The following PDE4D variants were observed in gnomAD, a reference collection of about 807,000 sequenced individuals.
PDE4D encodes the protein phosphodiesterase 4D, also known as 3',5'-cyclic-AMP phosphodiesterase 4D.
Under a neutral mutation model 87.4 loss-of-function variants are expected in PDE4D, and 24 were observed. The ratio of observed to expected loss-of-function variants is 0.27; its 90% CI spans 0.20 to 0.39. PDE4D has a LOEUF of 0.39. Ranked by LOEUF, PDE4D falls within the 10% of genes least tolerant of loss-of-function variation. The probability of loss-of-function intolerance (pLI) is 1.00; values close to 1 mark genes in which losing one functional copy is unlikely to be tolerated. For synonymous variants in PDE4D, 384 were observed against 383.2 expected (o/e 1.00, Z -0.02); for missense variants, 714 against 1,041.0 (o/e 0.69, Z 4.32).
At chr5:60,060,558 A>C (rs1342010501) in intron 2 of PDE4D, among the ~76,000 whole-genome samples, 2 of 152,088 alleles carry the variant, frequency 1.3e-5, no homozygotes, top group African/African-American at 4.8e-5. Flanking sequence ...AGATTTACAT[A>C]GCATGCTTGC....
chr5:59,609,921 T>C (rs555303992), intron 1 of PDE4D, among the ~76,000 whole-genome samples: 1 of 152,088 alleles, frequency 6.6e-6, no homozygotes, highest in Non-Finnish European at 1.5e-5. Context: ...GAAAGAACTT[T>C]TTTCACTAGA....
chr5:60,024,568 C>A (rs1226393350), intron 2 of PDE4D, among the ~76,000 whole-genome samples: 3 of 152,102 alleles, frequency 2.0e-5, no homozygotes, highest in African/African-American at 7.2e-5. Context: ...AACCTTGAAG[C>A]ATGGGGTACA....
intron 1 of PDE4D, among the ~76,000 whole-genome samples, chr5:59,809,768 C>T (rs547885483): frequency 6.6e-6 from 1 of 152,248 alleles, no homozygotes; most frequent in Admixed American, 6.5e-5. Flanking sequence ...TCAATTCCAT[C>T]AAGCAGTCTT....
At chr5:59,407,098 T>C (rs994716618) in intron 1 of PDE4D, among the ~76,000 whole-genome samples, 1 of 152,212 alleles carries the variant, frequency 6.6e-6, no homozygotes, top group Non-Finnish European at 1.5e-5. Context: ...AATTCTCATG[T>C]TGAGATGTAA....
At chr5:60,434,753 C>A (rs752722455) in intron 1 of PDE4D, among the ~76,000 whole-genome samples, 7 of 152,020 alleles carry the variant, frequency 4.6e-5, no homozygotes, top group Non-Finnish European at 7.4e-5. Context: ...TTTCAATGCA[C>A]CAACAATGAT....
chr5:60,287,100 T>C (rs1752490346), intron 1 of PDE4D, among the ~76,000 whole-genome samples: 1 of 152,166 alleles, frequency 6.6e-6, no homozygotes, highest in Admixed American at 6.5e-5. Context: ...CAAAATTTAA[T>C]TATATTCCGA....
chr5:58,975,509 G>T lies in PDE4D; in HGVS notation c.2013+148C>A. ...TAAGTCATAAGAATGAAAGTTCTTT[G>T]GATCATAAATACTAAGGTGAAATTG... is the stretch of plus-strand genomic sequence containing the variant. On this transcript the variant is annotated intron_variant, in intron 14 of 14. Coordinates refer to ENST00000340635, the MANE Select transcript of PDE4D (RefSeq NM_001104631.2). This position sits in a 1 kb window ranked among gnomAD's most constrained non-coding sequence, Gnocchi z 4.2. 1 of 532,888 alleles carries T rather than the reference G, an allele frequency of 1.9e-6. No homozygotes were observed. Among genetic ancestry groups the T allele is most frequent in the Non-Finnish European group, 3.1e-6 (1 of 320,254 alleles). The allele number at this position is 532,888 out of a possible 1,614,324, so 33.0% of individuals were successfully genotyped here. A position where few individuals can be genotyped will look rare whatever the true frequency, so the allele number is the denominator to read the frequency against.
In PDE4D at chr5:59,413,457, CAAAAAAAAAAAAAA is replaced by C. The variant is rs34074485; in HGVS notation, c.456-197503_456-197490del. 1.1e-3 allele frequency among the ~76,000 whole-genome samples: 59 copies of C among 54,428 alleles called. No homozygotes were observed. In the East Asian group the frequency reaches 0.032, roughly 29 times the overall value. 35.7% of individuals were successfully genotyped at this position (54,428 alleles called of 152,430 possible). ...TGGGTGACTGAGTGAGACTCCATCT[CAAAAAAAAAAAAAA>C]AAAAAAAAAAGAAATGCCATGGTTG... On this transcript the variant is annotated intron_variant, in intron 1 of 14. Transcript: ENST00000340635.
At chr5:59,136,254 G>A (rs1325747367) in intron 5 of PDE4D, among the ~76,000 whole-genome samples, 1 of 152,150 alleles carries the variant, frequency 6.6e-6, no homozygotes, top group African/African-American at 2.4e-5. Context: ...TATGTTTTTT[G>A]TGAATCTCAG....
At chr5:59,501,664 A>G (rs550694720) in intron 1 of PDE4D, among the ~76,000 whole-genome samples, 3 of 152,294 alleles carry the variant, frequency 2.0e-5, no homozygotes, top group South Asian at 4.1e-4. Flanking sequence ...AAACTAGTGT[A>G]GTCAATTGAT....
chr5:59,517,269 G>C (rs2153671353), intron 1 of PDE4D, among the ~76,000 whole-genome samples: 1 of 152,238 alleles, frequency 6.6e-6, no homozygotes, highest in South Asian at 2.1e-4. Flanking sequence ...CTTTAACCTT[G>C]CATAAAATGC....
intron 1 of PDE4D, among the ~76,000 whole-genome samples, chr5:60,363,033 T>C (rs1341739421): frequency 1.3e-5 from 2 of 152,166 alleles, no homozygotes; most frequent in Non-Finnish European, 2.9e-5. Context: ...GCTTATCACC[T>C]TGAATGCATG....
At chr5:59,654,227 G>A (rs773084166) in intron 1 of PDE4D, among the ~76,000 whole-genome samples, 1 of 152,120 alleles carries the variant, frequency 6.6e-6, no homozygotes, top group Non-Finnish European at 1.5e-5. Context: ...AAAATGGGAA[G>A]AGGAAAGGGA....
chr5:59,747,391 C>G (rs1411855704), intron 1 of PDE4D, among the ~76,000 whole-genome samples: 3 of 152,198 alleles, frequency 2.0e-5, no homozygotes, highest in Non-Finnish European at 4.4e-5. Context: ...TATCTCATCT[C>G]TGTTAAACCA....
intron 1 of PDE4D, among the ~76,000 whole-genome samples, chr5:59,298,582 T>A (rs1392408610): frequency 6.6e-6 from 1 of 152,220 alleles, no homozygotes; most frequent in Non-Finnish European, 1.5e-5. Flanking sequence ...GACCACAGAT[T>A]ATCTTAAATT....
chr5:59,094,639 C>A (rs570600085), intron 5 of PDE4D, among the ~76,000 whole-genome samples: 5 of 152,120 alleles, frequency 3.3e-5, no homozygotes, highest in African/African-American at 1.2e-4. Context: ...AATTTCTACA[C>A]AGAAAAAGAT....
chr5:59,279,173 T>A (rs568728926), intron 1 of PDE4D, among the ~76,000 whole-genome samples: 2 of 152,284 alleles, frequency 1.3e-5, no homozygotes, highest in South Asian at 4.1e-4. Flanking sequence ...CCATATTATA[T>A]ATCAACTAAA....
chr5:60,195,191 C>A (rs1024529044), intron 1 of PDE4D, among the ~76,000 whole-genome samples: 9 of 151,604 alleles, frequency 5.9e-5, no homozygotes, highest in African/African-American at 2.2e-4. Context: ...AATATCCCAG[C>A]CCCATTCCCA....
intron 5 of PDE4D, among the ~76,000 whole-genome samples, chr5:59,067,986 T>TA (rs1246485636): frequency 6.6e-6 from 1 of 152,198 alleles, no homozygotes; most frequent in Admixed American, 6.5e-5. Flanking sequence ...ACTCAAAATT[T>TA]ATGAAAAACC....
Sources: allele counts gnomAD v4.1 joint callset (sites outside exome capture counted in the v4.1 genomes callset), GRCh38; gene constraint gnomAD v4.1.1; non-coding constraint Gnocchi (gnomAD v3.1); transcripts MANE v1.5; gene names NCBI Gene and HGNC (gene_info 2026-07-23, HGNC 2026-07-21).